SWT1: variants seen among roughly 807,000 people sequenced by gnomAD.
SWT1 encodes SWT1 RNA endoribonuclease homolog.
Under a neutral mutation model 107.3 loss-of-function variants are expected in SWT1, and 33 were observed. The observed-to-expected ratio is 0.31, with a 90% CI of 0.23 to 0.41. The LOEUF is 0.41. SWT1 is among the 10% of genes least tolerant of loss of function. The pLI, the probability that SWT1 is intolerant of heterozygous loss-of-function variation, is 1.00. For missense variants in SWT1, 898 were observed against 1,028.9 expected (o/e 0.87, Z 1.74); for synonymous variants, 345 against 348.3 (o/e 0.99, Z 0.11).
chr1:185,257,563 C>T (rs562407997), intron 16 of SWT1, among the ~76,000 whole-genome samples: 1 of 152,348 alleles, frequency 6.6e-6, no homozygotes, highest in African/African-American at 2.4e-5. Context: ...TCTGTCACCC[C>T]TTTCTTTGAC....
intron 11 of SWT1, 21 bp from the exon 12 acceptor site, chr1:185,204,679 C>T: frequency 1.4e-6 from 2 of 1,474,358 alleles, no homozygotes; most frequent in Non-Finnish European, 1.8e-6. Context: ...TAAATAAAGT[C>T]TGTAACTATT....
At chr1:185,287,158 C>T (rs1186730691) in intron 18 of SWT1, among the ~76,000 whole-genome samples, 9 of 152,232 alleles carry the variant, frequency 5.9e-5, no homozygotes, top group Middle Eastern at 3.4e-3. Context: ...GGAATTAGAT[C>T]ATGTAAATTC....
At chr1:185,251,863 A>G (rs533124409) in intron 16 of SWT1, among the ~76,000 whole-genome samples, 1,730 of 152,016 alleles carry the variant, frequency 0.011, 18 homozygotes, top group South Asian at 0.019. Flanking sequence ...TTACATATGT[A>G]TACATGTGCC....
intron 16 of SWT1, among the ~76,000 whole-genome samples, chr1:185,260,748 A>G (rs1212664847): frequency 1.3e-5 from 2 of 152,146 alleles, no homozygotes; most frequent in African/African-American, 2.4e-5. Flanking sequence ...TTCCTTGGAA[A>G]AACAAAGAGT....
At chr1:185,264,190 CTT>C (rs1313959906) in intron 16 of SWT1, 46 of 221,404 alleles carry the variant, frequency 2.1e-4, no homozygotes, top group Non-Finnish European at 3.0e-4. Flanking sequence ...TTTGGCGCCT[CTT>C]TTTTTTTTTA....
rs373471267 is a variant in SWT1, at chr1:185,181,055, G to T, written c.1026+605G>T. 3.3e-4 allele frequency among the ~76,000 whole-genome samples: 51 copies of T among 152,282 alleles called. 1 individual carries two copies. In the East Asian group the frequency reaches 6.0e-3, roughly 18 times the overall value. On this transcript the variant is annotated intron_variant, in intron 6 of 18. Transcript: ENST00000367500. ...GGCCAAGGCGGGTGGAGTACCCGAG[G>T]TCAGGAGTTCGAGACCAGCCTGGCC... is the stretch of plus-strand genomic sequence containing the variant.
chr1:185,257,628 C>T (rs1036293064), intron 16 of SWT1, among the ~76,000 whole-genome samples: 1 of 152,244 alleles, frequency 6.6e-6, no homozygotes, highest in Non-Finnish European at 1.5e-5. Flanking sequence ...AATGCCTCGC[C>T]CTGCTTCGGC....
At chr1:185,287,584 A>G (rs1283271030) in intron 18 of SWT1, among the ~76,000 whole-genome samples, 2 of 152,204 alleles carry the variant, frequency 1.3e-5, no homozygotes, top group East Asian at 3.8e-4. Context: ...GCGTCTTACA[A>G]TAGTGAGTGT....
rs1659683315 is a variant in SWT1, at chr1:185,221,883, A to G, written c.2156A>G (p.Asn719Ser). 6.2e-7 allele frequency: 1 copy of G among 1,603,482 alleles called. No individual in the cohort carries two copies. The highest frequency in any genetic ancestry group is 8.5e-7 in the Non-Finnish European group (1 of 1,176,690). ...KTKLKPNSSE[N>S]TVTKKQEGTS... is the part of the protein sequence containing the mutation. ...AAACTTAAGCCAAATTCTTCAGAAA[A>G]CACAGTGACTAAAAAGCAGGAAGGT... is the stretch of plus-strand genomic sequence containing the variant. The change falls in exon 15 of 19, where the codon AAC becomes AGC. Residue 719 changes from asparagine to serine, a missense_variant. By Grantham distance (46) the Asn-to-Ser change is conservative (BLOSUM62 1). Around this residue, in one of 6 missense-constraint regions of SWT1, gnomAD observed 382 missense variants for 460.0 expected, o/e 0.83. Coordinates refer to ENST00000367500, the MANE Select transcript of SWT1 (RefSeq NM_017673.7).
At position 185,175,061 on chromosome 1, in the gene SWT1, A is replaced by G. The variant is rs1426876767; in HGVS notation, c.914A>G (p.His305Arg). Reference protein sequence around the residue: ...RTVHEWKRKHHYDHQESNDSH... With the variant: ...RTVHEWKRKHRYDHQESNDSH... ...GTTCATGAGTGGAAACGAAAACATC[A>G]TTATGACCATCAAGAAAGTAATGAT... Residue 305 changes from histidine to arginine, a missense_variant, in exon 5 of 19, where the codon CAT (histidine) becomes CGT (arginine). Coordinates refer to ENST00000367500, the MANE Select transcript of SWT1 (RefSeq NM_017673.7). The G allele has an allele frequency of 6.3e-7, 1 of 1,588,938 alleles. No homozygotes were observed. Among genetic ancestry groups the G allele is most frequent in the Non-Finnish European group, 8.6e-7 (1 of 1,169,490 alleles).
At chr1:185,218,266 C>T (rs1659374277) in intron 14 of SWT1, among the ~76,000 whole-genome samples, 2 of 152,080 alleles carry the variant, frequency 1.3e-5, no homozygotes, top group South Asian at 4.1e-4. Flanking sequence ...TATTTGATTG[C>T]TTTGAGAAAC....
chr1:185,264,132 T>C lies in SWT1; in HGVS notation c.2442-7191T>C, dbSNP rs145630514. On this transcript the variant is annotated intron_variant, in intron 16 of 18. Coordinates refer to ENST00000367500, the MANE Select transcript of SWT1 (RefSeq NM_017673.7). ...TGTGTTCCCTCCTGTCCAGAAAATA[T>C]TTTACAGACTGGGTTCTCTACTAAT... The C allele has an allele frequency of 4.6e-3, 727 of 158,098 alleles. 6 individuals are homozygous for C. Among genetic ancestry groups the C allele is most frequent in the African/African-American group, 0.016 (686 of 41,630 alleles). The allele number at this position is 158,098 out of a possible 1,614,324, so 9.8% of individuals were successfully genotyped here. A position where few individuals can be genotyped will look rare whatever the true frequency, so the allele number is the denominator to read the frequency against.
chr1:185,256,858 T>G (rs2102675156), intron 16 of SWT1, among the ~76,000 whole-genome samples: 1 of 152,356 alleles, frequency 6.6e-6, no homozygotes, highest in African/African-American at 2.4e-5. Context: ...AGAGGTGCTC[T>G]GCTTTTTAGA....
intron 13 of SWT1, among the ~76,000 whole-genome samples, chr1:185,213,014 G>A (rs867162156): frequency 1.5e-4 from 23 of 152,218 alleles, no homozygotes; most frequent in South Asian, 8.3e-4. Flanking sequence ...ACCCATATTA[G>A]CTTTAAATAA....
At chr1:185,176,650 T>C (rs1018073955) in intron 5 of SWT1, 5 of 985,398 alleles carry the variant, frequency 5.1e-6, no homozygotes, top group Non-Finnish European at 6.0e-6. Flanking sequence ...AGACCACTGA[T>C]AAACAGGGAT....
At chr1:185,288,036 A>C (rs1339632674) in intron 18 of SWT1, among the ~76,000 whole-genome samples, 1 of 152,244 alleles carries the variant, frequency 6.6e-6, no homozygotes. Context: ...AAATAAGGAC[A>C]GGAATAGGGG....
chr1:185,220,231 T>C (rs1022072920), intron 14 of SWT1, among the ~76,000 whole-genome samples: 1 of 150,518 alleles, frequency 6.6e-6, no homozygotes, highest in Non-Finnish European at 1.5e-5. Context: ...CTTGTCTCTT[T>C]TTCTTTTCTT....
At chr1:185,194,594 A>G (rs965932979) in intron 10 of SWT1, among the ~76,000 whole-genome samples, 3 of 151,334 alleles carry the variant, frequency 2.0e-5, no homozygotes, top group Non-Finnish European at 4.4e-5. Flanking sequence ...GTCTTTTATT[A>G]TCTTTTTGTT....
rs199747353 is a variant in SWT1, at chr1:185,231,596, T to C, written c.2329T>C (p.Leu777=). 17 of 1,609,270 alleles carry C rather than the reference T, an allele frequency of 1.1e-5. No individual in the cohort carries two copies. The highest frequency in any genetic ancestry group is 1.4e-5 in the Non-Finnish European group (16 of 1,176,542). Residue 777 remains leucine (L), a synonymous_variant, in exon 16 of 19, where the codon TTG becomes CTG. Coordinates refer to ENST00000367500, the MANE Select transcript of SWT1 (RefSeq NM_017673.7). ...TTTTAGCACGGATGTATTTCAAAGA[T>C]TGGGCTCAAATTCAGCTCTGACTAC... ...YQNSTDVFQR[L]GSNSALTTSN...
Sources: gnomAD v4.1 joint callset for allele counts (sites outside exome capture counted in the v4.1 genomes callset) on GRCh38, gnomAD v4.1.1 for gene constraint, gnomAD v4.1.1 regional missense constraint, MANE v1.5 for transcripts, NCBI Gene and HGNC (gene_info 2026-07-23, HGNC 2026-07-21) for gene names.